Variants in SLC12A8 observed in about 807,000 individuals in gnomAD.
The protein encoded by SLC12A8 is cation-chloride cotransporter 9.
SLC12A8 carries 69 observed loss-of-function variants against 75.6 expected under a neutral mutation model. That is an observed-to-expected ratio of 0.91 (90% CI 0.75 to 1.11). The LOEUF (loss-of-function observed/expected upper bound fraction) is 1.11, where lower values mean the gene tolerates loss of function less well. SLC12A8 is among the 50% of genes most tolerant of loss of function. The pLI is 0.00. For missense variants in SLC12A8, 877 were observed against 896.7 expected, an observed-to-expected ratio of 0.98 and a Z score of 0.28; for synonymous variants, 365 against 372.8, an observed-to-expected ratio of 0.98 and a Z score of 0.24.
chr3:125,132,874 C>T (rs747911442), intron 6 of SLC12A8, among the ~76,000 whole-genome samples: 5 of 152,122 alleles, frequency 3.3e-5, no homozygotes, highest in Non-Finnish European at 5.9e-5. Flanking sequence ...GGAGGGGATG[C>T]ACCTATAAAG....
chr3:125,088,165 C>A, intron 13 of SLC12A8, 145 bp downstream of exon 13: 1 of 700,132 alleles, frequency 1.4e-6, no homozygotes, highest in Non-Finnish European at 2.5e-6. Flanking sequence ...GCAGGAGCAA[C>A]ATCTGAGTCT....
At chr3:125,191,729 G>A (rs1934913168) in intron 2 of SLC12A8, among the ~76,000 whole-genome samples, 2 of 152,202 alleles carry the variant, frequency 1.3e-5, no homozygotes, top group South Asian at 4.1e-4. Context: ...CCAAAAGGGA[G>A]GATCCCAGCT....
At position 125,107,523 on chromosome 3, in the gene SLC12A8, G is replaced by A; in HGVS notation, c.1663C>T (p.Leu555Phe). The A allele has an allele frequency of 6.2e-7, 1 of 1,613,782 alleles. No homozygotes were observed. Among genetic ancestry groups the A allele is most frequent in the Non-Finnish European group, 8.5e-7 (1 of 1,179,690 alleles). Residue 555 changes from leucine to phenylalanine, a missense_variant, in exon 10 of 14, where the codon CTT becomes TTT. Transcript: ENST00000469902. Reference protein sequence around the residue: ...TQPEGTYGEQLVPELCNQSES... With the variant: ...TQPEGTYGEQFVPELCNQSES... ...GATTGGTTGCACAGCTCAGGAACAAGTTGCTCTCCATATGTTCCCTCAGGC... is the reference window on the plus strand; with the variant it reads ...GATTGGTTGCACAGCTCAGGAACAAATTGCTCTCCATATGTTCCCTCAGGC...
chr3:125,111,355 G>A, intron 8 of SLC12A8, among the ~76,000 whole-genome samples: 1 of 152,120 alleles, frequency 6.6e-6, no homozygotes, highest in Non-Finnish European at 1.5e-5. Flanking sequence ...GCTAACTCAG[G>A]GCTAAAAGTG....
chr3:125,201,169 C>T (rs980600824), intron 2 of SLC12A8, among the ~76,000 whole-genome samples: 3 of 152,016 alleles, frequency 2.0e-5, no homozygotes, highest in South Asian at 2.1e-4. Flanking sequence ...GAGGCTGAGG[C>T]GGGAAGATCA....
intron 2 of SLC12A8, among the ~76,000 whole-genome samples, chr3:125,207,124 C>A (rs894903064): frequency 1.3e-5 from 2 of 152,202 alleles, no homozygotes; most frequent in Non-Finnish European, 2.9e-5. Flanking sequence ...GTCTCAGCGA[C>A]CTGGAAACTC....
rs557691379 is a variant in SLC12A8 at position 125,157,197 on chromosome 3, G to C, written c.622+20546C>G. Among the ~76,000 whole-genome samples the C allele has an allele frequency of 5.9e-5, 9 of 152,204 alleles. No individual in the cohort carries two copies. The South Asian group carries it at 1.9e-3, about 32-fold the overall frequency. On this transcript the variant is annotated intron_variant, in intron 5 of 13. Coordinates refer to ENST00000469902, the MANE Select transcript of SLC12A8 (RefSeq NM_024628.6). ...TATATTTTTAAATTAAATATGTATA[G>C]TTCTTAATAAAAATAAGTTAAAATT...
chr3:125,124,256 C>T (rs926608145), intron 6 of SLC12A8, among the ~76,000 whole-genome samples: 6 of 152,144 alleles, frequency 3.9e-5, no homozygotes, highest in African/African-American at 9.7e-5. Flanking sequence ...AGAAGTCTCA[C>T]GGGTGATTCC....
rs531309867 is a variant in SLC12A8 at position 125,124,342 on chromosome 3, T to G, written c.737-3656A>C. Among the ~76,000 whole-genome samples, 16 of 152,278 alleles carry G rather than the reference T, an allele frequency of 1.1e-4. No homozygotes were observed. The South Asian group carries it at 3.3e-3, about 32-fold the overall frequency. On this transcript the variant is annotated intron_variant, in intron 6 of 13. Transcript: ENST00000469902. ...TTTGTTTGTTTGTTTGGATTTTTTT[T>G]TTGAGATGGAGTTTCCCTCTGTCGC...
intron 5 of SLC12A8, among the ~76,000 whole-genome samples, chr3:125,145,732 A>T: frequency 6.6e-6 from 1 of 152,268 alleles, no homozygotes; most frequent in Non-Finnish European, 1.5e-5. Flanking sequence ...TCAGTAAGAG[A>T]CTAGCAACAA....
chr3:125,199,634 T>C (rs572723036), intron 2 of SLC12A8, among the ~76,000 whole-genome samples: 5 of 150,320 alleles, frequency 3.3e-5, no homozygotes, highest in African/African-American at 7.3e-5. Flanking sequence ...TAGTCCCAGC[T>C]ACTTGGAAGG....
intron 8 of SLC12A8, among the ~76,000 whole-genome samples, chr3:125,114,224 G>C (rs189954868): frequency 1.6e-4 from 24 of 152,324 alleles, no homozygotes; most frequent in Admixed American, 1.4e-3. Flanking sequence ...GTCCACGATG[G>C]AGGGCAGAGG....
At chr3:125,185,963 T>G (rs544238174) in intron 4 of SLC12A8, among the ~76,000 whole-genome samples, 1 of 152,282 alleles carries the variant, frequency 6.6e-6, no homozygotes, top group Non-Finnish European at 1.5e-5. Context: ...GTGAACATCT[T>G]TTTTCCAAAT....
At position 125,104,507 on chromosome 3, in the gene SLC12A8, G is replaced by GAA. The variant is rs35777145; in HGVS notation, c.1705+2972_1705+2973dup. The stretch of plus-strand genomic sequence containing the variant: ...ACAAAAATAGATGATGTTCAAATTA[G>GAA]AAAAAAAAAAAAAAAAAGACAAGGA... On this transcript the variant is annotated intron_variant, in intron 10 of 13. Coordinates refer to ENST00000469902, the MANE Select transcript of SLC12A8 (RefSeq NM_024628.6). 5.5e-4 allele frequency among the ~76,000 whole-genome samples: 69 copies of GAA among 125,218 alleles called. 1 individual carries two copies. The highest frequency in any genetic ancestry group is 1.4e-3 in the African/African-American group (47 of 34,218). 82.1% of individuals were successfully genotyped at this position (125,218 alleles called of 152,430 possible). A position where few individuals can be genotyped will look rare whatever the true frequency, so the allele number is the denominator to read the frequency against.
At chr3:125,096,592 C>G (rs1560049677) in intron 10 of SLC12A8, among the ~76,000 whole-genome samples, 1 of 152,126 alleles carries the variant, frequency 6.6e-6, no homozygotes, top group African/African-American at 2.4e-5. Flanking sequence ...TTATGCTTAT[C>G]TTTTTTTACA....
At chr3:125,157,315 G>A (rs1246789888) in intron 5 of SLC12A8, among the ~76,000 whole-genome samples, 1 of 152,120 alleles carries the variant, frequency 6.6e-6, no homozygotes, top group Admixed American at 6.5e-5. Context: ...AAATACAGAT[G>A]CTCCTTGACT....
intron 5 of SLC12A8, among the ~76,000 whole-genome samples, chr3:125,153,434 T>C (rs1017981304): frequency 6.6e-6 from 1 of 152,218 alleles, no homozygotes; most frequent in African/African-American, 2.4e-5. Context: ...CCTTGTTTTG[T>C]TACTTTCAGA....
chr3:125,134,409 C>T (rs1068926), intron 6 of SLC12A8, among the ~76,000 whole-genome samples: 29,296 of 152,148 alleles, frequency 0.19, 3,367 homozygotes, highest in South Asian at 0.43. Flanking sequence ...CACGCCTGAC[C>T]AGTTATTTAT....
rs1338319486 is a variant in SLC12A8, at chr3:125,178,062, C to T, written c.391-88G>A. The T allele has an allele frequency of 6.6e-6, 7 of 1,065,112 alleles. No individual in the cohort carries two copies. The African/African-American group carries it at 1.1e-4, about 17-fold the overall frequency. 66.0% of individuals were successfully genotyped at this position (1,065,112 alleles called of 1,614,324 possible). On this transcript the variant is annotated intron_variant, in intron 4 of 13. Coordinates refer to ENST00000469902, the MANE Select transcript of SLC12A8 (RefSeq NM_024628.6). ...CCGCCCAGCGCTGAGAACCCTGCAC[C>T]CCCATCGGACACACTCACTGGCACC...
Sources: gnomAD v4.1 joint callset for allele counts (sites outside exome capture counted in the v4.1 genomes callset) on GRCh38, gnomAD v4.1.1 for gene constraint, MANE v1.5 for transcripts, NCBI Gene and HGNC (gene_info 2026-07-23, HGNC 2026-07-21) for gene names.